The following CAD variants were observed in gnomAD, a reference collection of about 807,000 sequenced individuals.
The protein encoded by CAD is carbamoyl-phosphate synthetase 2, aspartate transcarbamylase, and dihydroorotase.
Under a neutral mutation model 237.2 loss-of-function variants are expected in CAD, and 81 were observed. The observed-to-expected ratio is 0.34, with a 90% CI of 0.29 to 0.41. CAD has a LOEUF of 0.41. CAD is among the 10% of genes least tolerant of loss of function. The pLI is 1.00. For missense variants in CAD, 2,181 were observed against 2,951.7 expected, an observed-to-expected ratio of 0.74 and a Z score of 6.05; for synonymous variants, 1,196 against 1,162.8, an observed-to-expected ratio of 1.03 and a Z score of -0.58.
At position 27,232,515 on chromosome 2, in the gene CAD, A is replaced by G; in HGVS notation, c.2713A>G (p.Thr905Ala). Reference protein sequence around the residue: ...GICPAVKQIDTVAAEWPAQTN... With the variant: ...GICPAVKQIDAVAAEWPAQTN... ...CTGTCCAGCAGTGAAACAGATTGAC[A>G]CAGTTGCAGCTGAGTGGCCAGCCCA... The change falls in exon 18 of 44, where the codon ACA (threonine) becomes GCA (alanine). Residue 905 changes from threonine (T) to alanine (A), a missense_variant. Around this residue, in one of 12 missense-constraint regions of CAD, gnomAD observed 385 missense variants for 535.1 expected, o/e 0.72. Transcript: ENST00000264705. The surrounding 1 kb of genome is among the most constrained non-coding windows in gnomAD (Gnocchi z 4.1). 1 of 1,614,236 alleles carries G rather than the reference A, an allele frequency of 6.2e-7. No homozygotes were observed. Among genetic ancestry groups the G allele is most frequent in the Non-Finnish European group, 8.5e-7 (1 of 1,180,036 alleles).
At chr2:27,219,037 T>C (rs1432103853) in intron 2 of CAD, among the ~76,000 whole-genome samples, 1 of 152,228 alleles carries the variant, frequency 6.6e-6, no homozygotes, top group Non-Finnish European at 1.5e-5. Flanking sequence ...TTGTCAGTCA[T>C]CACCTTTGTC....
At chr2:27,225,646 C>A in intron 11 of CAD, 59 bp from the exon 12 acceptor site, 1 of 1,255,568 alleles carries the variant, frequency 8.0e-7, no homozygotes, top group Non-Finnish European at 1.2e-6. Context: ...TTATGTGGGA[C>A]AGGCACACCT....
In CAD at chr2:27,241,913, G is replaced by T. The variant is rs146185917; in HGVS notation, c.5886G>T (p.Gly1962=). The change falls in exon 39 of 44, where the codon GGG becomes GGT. Residue 1962 remains glycine (G), a splice_region_variant and synonymous_variant. Transcript: ENST00000264705. The surrounding 1 kb of genome is among the most constrained non-coding windows in gnomAD (Gnocchi z 4.6). ...QKERSLDILK[G]KVMASMFYEV... ...CTTCCATCTTGCTCTTTCCCTAGGG[G>T]AAGGTCATGGCCTCCATGTTCTATG... 1.6e-5 allele frequency: 25 copies of T among 1,611,320 alleles called. No homozygotes were observed. The highest frequency in any genetic ancestry group is 2.2e-5 in the South Asian group (2 of 91,044).
At chr2:27,218,724 T>C (rs1427276148) in intron 2 of CAD, among the ~76,000 whole-genome samples, 1 of 152,174 alleles carries the variant, frequency 6.6e-6, no homozygotes, top group Non-Finnish European at 1.5e-5. Flanking sequence ...CTCTGAAATT[T>C]GGAAACTAAG....
In CAD at chr2:27,236,840, T is replaced by TG. The variant is rs1676034531; in HGVS notation, c.4396+14dup. 5.0e-6 allele frequency: 8 copies of TG among 1,613,298 alleles called. No individual in the cohort carries two copies. The highest frequency in any genetic ancestry group is 1.3e-5 in the African/African-American group (1 of 74,980). On this transcript the variant is annotated intron_variant, in intron 27 of 43. Coordinates refer to ENST00000264705, the MANE Select transcript of CAD (RefSeq NM_004341.5). This position sits in a 1 kb window ranked among gnomAD's most constrained non-coding sequence, Gnocchi z 4.1. ...CTTGTGCGACTGCCGGGTAAGTCTT[T>TG]GGGGAGAACTTGGCTTCTGAACACT...
Position 27,241,268 on chromosome 2 carries a change from G to C in CAD, c.5808+41G>C, listed in dbSNP as rs1160465624. Reference sequence around the variant, plus strand: ...AGGATGGGACCACCCAGAGCTTTGAGGATTTGGAAAGCTGGGGCTAGGACC... The same window carrying C: ...AGGATGGGACCACCCAGAGCTTTGACGATTTGGAAAGCTGGGGCTAGGACC... On this transcript the variant is annotated intron_variant, in intron 37 of 43. Coordinates refer to ENST00000264705, the MANE Select transcript of CAD (RefSeq NM_004341.5). This position sits in a 1 kb window ranked among gnomAD's most constrained non-coding sequence, Gnocchi z 4.6. 6.2e-7 allele frequency: 1 copy of C among 1,613,734 alleles called. No individual in the cohort carries two copies. Among genetic ancestry groups the C allele is most frequent in the African/African-American group, 1.3e-5 (1 of 74,920 alleles).
intron 15 of CAD, among the ~76,000 whole-genome samples, chr2:27,228,196 G>A (rs1558533476): frequency 6.6e-6 from 1 of 152,184 alleles, no homozygotes; most frequent in African/African-American, 2.4e-5. Flanking sequence ...ACACTTTACA[G>A]AAGAAGAAAT....
chr2:27,231,949 A>G, intron 16 of CAD, 31 bp from the exon 17 acceptor site: 2 of 1,613,054 alleles, frequency 1.2e-6, no homozygotes, highest in Admixed American at 3.3e-5. Context: ...GGCTGGCAGT[A>G]GCTTCCGTCT....
chr2:27,241,738 CAG>C lies in CAD; in HGVS notation c.5884-170_5884-169del, dbSNP rs1159584668. Among the ~76,000 whole-genome samples the C allele has an allele frequency of 2.6e-5, 4 of 152,302 alleles. No individual in the cohort carries two copies. The South Asian group carries it at 8.3e-4, about 32-fold the overall frequency. ...TTTTCTGGAGGCAGAGCCTTTAGCT[CAG>C]AGTGACACCAGTGGTGGAAACGTCA... is the stretch of plus-strand genomic sequence containing the variant. On this transcript the variant is annotated intron_variant, in intron 38 of 43. Transcript: ENST00000264705. This position sits in a 1 kb window ranked among gnomAD's most constrained non-coding sequence, Gnocchi z 4.6.
intron 2 of CAD, among the ~76,000 whole-genome samples, chr2:27,218,598 ATCT>A (rs1674992995): frequency 6.6e-6 from 1 of 152,174 alleles, no homozygotes; most frequent in African/African-American, 2.4e-5. Context: ...CAGTGACATT[ATCT>A]TCTAGACCTA....
intron 15 of CAD, among the ~76,000 whole-genome samples, chr2:27,227,326 C>T (rs1449611819): frequency 1.3e-5 from 2 of 152,024 alleles, no homozygotes; most frequent in East Asian, 1.9e-4. Context: ...GATGAATGGC[C>T]GTAACGTTAC....
rs1675971296 is a variant in CAD, at chr2:27,235,796, T to G, written c.4074+156T>G. ...AGGAGAATCTCTTGAGCCCAGGAGG[T>G]AGAGGCTGCAGTGAGCTGCGAGTGT... On this transcript the variant is annotated intron_variant, in intron 25 of 43. Coordinates refer to ENST00000264705, the MANE Select transcript of CAD (RefSeq NM_004341.5). This position sits in a 1 kb window ranked among gnomAD's most constrained non-coding sequence, Gnocchi z 5.2. 13 of 631,162 alleles carry G rather than the reference T, an allele frequency of 2.1e-5. No individual in the cohort carries two copies. The highest frequency in any genetic ancestry group is 1.5e-4 in the South Asian group (8 of 51,626). The allele number at this position is 631,162 out of a possible 1,614,324, so 39.1% of individuals were successfully genotyped here.
chr2:27,234,776 C>A, intron 23 of CAD, 91 bp downstream of exon 23: 9 of 1,253,732 alleles, frequency 7.2e-6, no homozygotes, highest in Non-Finnish European at 1.0e-5. Flanking sequence ...AAACCAGGCA[C>A]TGACTGCAAG....
intron 15 of CAD, among the ~76,000 whole-genome samples, chr2:27,229,264 T>C (rs1445489977): frequency 1.3e-5 from 2 of 152,106 alleles, no homozygotes; most frequent in Admixed American, 6.6e-5. Context: ...GCCTAACTTA[T>C]AATTATGAAA....
rs1676229534 is a variant in CAD, at chr2:27,240,131, C to T, written c.5497-134C>T. The T allele has an allele frequency of 2.7e-6, 2 of 737,384 alleles. No individual in the cohort carries two copies. Among genetic ancestry groups the T allele is most frequent in the Non-Finnish European group, 4.6e-6 (2 of 433,630 alleles). 45.7% of individuals were successfully genotyped at this position (737,384 alleles called of 1,614,324 possible). ...TGGTGCACATCTGTAATCCCAGCTACTTGGGAGGCTGAGGCAGGAGAATTG... is the reference window on the plus strand; with the variant it reads ...TGGTGCACATCTGTAATCCCAGCTATTTGGGAGGCTGAGGCAGGAGAATTG... On this transcript the variant is annotated intron_variant, in intron 34 of 43. Transcript: ENST00000264705. The surrounding 1 kb of genome is among the most constrained non-coding windows in gnomAD (Gnocchi z 4.6).
rs61737362 is a variant in CAD, at chr2:27,234,145, G to A, written c.3537G>A (p.Leu1179=). 1,007 of 1,614,194 alleles carry A rather than the reference G, an allele frequency of 6.2e-4. 5 individuals are homozygous for A. The African/African-American group carries it at 0.012, about 20-fold the overall frequency. The change falls in exon 22 of 44, where the codon CTG becomes CTA. Residue 1179 remains leucine, a synonymous_variant. Coordinates refer to ENST00000264705, the MANE Select transcript of CAD (RefSeq NM_004341.5). ...TPPQDITAKT[L]ERIKAIVHAV... ...CACAAGATATCACTGCCAAAACCCT[G>A]GAGCGGATCAAAGCCATTGTGCATG...
At chr2:27,223,524 G>T (rs565248551) in intron 6 of CAD, 39 bp from the exon 7 acceptor site, 2 of 1,591,934 alleles carry the variant, frequency 1.3e-6, no homozygotes, top group South Asian at 2.2e-5. Flanking sequence ...TGAAGAGAGG[G>T]TGAGCAGGGC....
At chr2:27,226,365 T>C in intron 13 of CAD, 46 bp downstream of exon 13, 1 of 1,590,688 alleles carries the variant, frequency 6.3e-7, no homozygotes, top group Non-Finnish European at 8.6e-7. Context: ...TTACCCCCTC[T>C]TCTTGTATAA....
In CAD at chr2:27,222,937, A is replaced by C. The variant is rs1230657647; in HGVS notation, c.709A>C (p.Ser237Arg). 6.2e-7 allele frequency: 1 copy of C among 1,614,076 alleles called. No homozygotes were observed. Among genetic ancestry groups the C allele is most frequent in the East Asian group, 2.2e-5 (1 of 44,886 alleles). Residue 237 changes from serine (S) to arginine (R), a missense_variant, in exon 6 of 44, where the codon AGC (serine) becomes CGC (arginine). Coordinates refer to ENST00000264705, the MANE Select transcript of CAD (RefSeq NM_004341.5). ...CTATCCCAGTGTCGTATCCACACTG[A>C]GCCGTGTTTTATCTGAGCCTAATCC... ...ASYPSVVSTL[S>R]RVLSEPNPRP... is the part of the protein sequence containing the mutation.
Sources: gnomAD v4.1 joint callset for allele counts (sites outside exome capture counted in the v4.1 genomes callset) on GRCh38, gnomAD v4.1.1 for gene constraint, gnomAD v4.1.1 regional missense constraint, Gnocchi (gnomAD v3.1) non-coding constraint, MANE v1.5 for transcripts, NCBI Gene and HGNC (gene_info 2026-07-23, HGNC 2026-07-21) for gene names.